The following TFAP4 variants were observed in gnomAD, a reference collection of about 807,000 sequenced individuals.
The protein encoded by TFAP4 is transcription factor AP-4, also known as activating enhancer-binding protein 4.
Under a neutral mutation model 40.4 loss-of-function variants are expected in TFAP4, and 7 were observed. The observed-to-expected ratio is 0.17, with a 90% CI of 0.10 to 0.33. TFAP4 has a LOEUF of 0.33. TFAP4 is among the 10% of genes least tolerant of loss of function. TFAP4 has a pLI of 1.00. For synonymous variants in TFAP4, 218 were observed against 181.4 expected, an observed-to-expected ratio of 1.20 and a Z score of -1.62; for missense variants, 374 against 451.1, an observed-to-expected ratio of 0.83 and a Z score of 1.55.
intron 1 of TFAP4, among the ~76,000 whole-genome samples, chr16:4,267,847 G>A (rs1211942415): frequency 1.3e-5 from 2 of 152,050 alleles, no homozygotes; most frequent in Admixed American, 6.5e-5. Context: ...CTCCATCCCC[G>A]CTGCTTCTAC....
chr16:4,262,344 G>C lies in TFAP4; in HGVS notation c.334C>G (p.Gln112Glu), dbSNP rs2052956823. The part of the protein sequence containing the change: ...EKTRLLQQNT[Q>E]LKRFIQELSG... ...CGCACCTGGATGAAGCGCTTGAGCT[G>C]TGTGTTCTGCTGCAAGAGCCTGGTC... Residue 112 changes from glutamine (Q) to glutamate (E), a missense_variant, in exon 3 of 7, where the codon CAG becomes GAG. Coordinates refer to ENST00000204517, the MANE Select transcript of TFAP4 (RefSeq NM_003223.3). 1.2e-6 allele frequency: 2 copies of C among 1,614,126 alleles called. No individual in the cohort carries two copies. The highest frequency in any genetic ancestry group is 1.7e-6 in the Non-Finnish European group (2 of 1,180,052).
At chr16:4,264,882 G>A (rs556709318) in intron 1 of TFAP4, 2 of 152,246 alleles carry the variant, frequency 1.3e-5, no homozygotes, top group Admixed American at 6.5e-5. Context: ...CACAACACAA[G>A]GTAAGTGCAA....
At chr16:4,265,269 C>A (rs1034440068) in intron 1 of TFAP4, 1 of 152,188 alleles carries the variant, frequency 6.6e-6, no homozygotes, top group Non-Finnish European at 1.5e-5. Flanking sequence ...GAGCTCTGAC[C>A]GGCCCACAGA....
chr16:4,257,957 A>AT lies in TFAP4; in HGVS notation c.*97dup, dbSNP rs1323025592. ...TAAAAGAGACCCAAATGACATCGTA[A>AT]TTTTGTAAAAATTTCTCACTCATTC... On this transcript the variant is annotated 3_prime_UTR_variant, in exon 7 of 7. Coordinates refer to ENST00000204517, the MANE Select transcript of TFAP4 (RefSeq NM_003223.3). The AT allele has an allele frequency of 4.9e-5, 60 of 1,223,010 alleles. No homozygotes were observed. The highest frequency in any genetic ancestry group is 6.0e-5 in the Non-Finnish European group (53 of 885,854). 75.8% of individuals were successfully genotyped at this position (1,223,010 alleles called of 1,614,324 possible).
Position 4,260,123 on chromosome 16 carries a change from G to A in TFAP4, c.789C>T (p.Ser263=), listed in dbSNP as rs139081750. The A allele has an allele frequency of 1.9e-6, 3 of 1,607,918 alleles. No homozygotes were observed. The highest frequency in any genetic ancestry group is 1.7e-6 in the Non-Finnish European group (2 of 1,177,226). The change falls in exon 6 of 7, where the codon TCC becomes TCT. Residue 263 remains serine, a synonymous_variant. Transcript: ENST00000204517. ...MGPSSVINSV[S]TSRQNLDTIV... The stretch of plus-strand genomic sequence containing the variant: ...TGGTGTCCAGATTTTGCCGGGATGT[G>A]GAAACAGAGTTGATGACCGAGGAGG...
At chr16:4,263,598 A>T (rs2052966094) in intron 1 of TFAP4, 2 of 152,348 alleles carry the variant, frequency 1.3e-5, no homozygotes, top group Non-Finnish European at 1.5e-5. Flanking sequence ...CTCCCCAAAA[A>T]GACACCAAGC....
In TFAP4 at chr16:4,257,289, G is replaced by A. The variant is rs1597309748; in HGVS notation, c.*766C>T. 1 of 113,356 alleles carries A rather than the reference G, an allele frequency of 8.8e-6. No individual in the cohort carries two copies. Among genetic ancestry groups the A allele is most frequent in the African/African-American group, 3.5e-5 (1 of 28,182 alleles). The allele number at this position is 113,356 out of a possible 1,614,324, so 7.0% of individuals were successfully genotyped here. On this transcript the variant is annotated 3_prime_UTR_variant, in exon 7 of 7. Transcript: ENST00000204517. ...TAACAAAATATAATAGCTTCTCCTT[G>A]AACACGAAGACCTCAAAATTGTAAA...
At chr16:4,272,323 G>A (rs1189567957) in intron 1 of TFAP4, among the ~76,000 whole-genome samples, 1 of 152,128 alleles carries the variant, frequency 6.6e-6, no homozygotes, top group Non-Finnish European at 1.5e-5. Context: ...CGCAGGAGGG[G>A]GAAAGAGGAA....
chr16:4,270,429 A>G (rs1246098905), intron 1 of TFAP4, among the ~76,000 whole-genome samples: 3 of 152,186 alleles, frequency 2.0e-5, no homozygotes, highest in African/African-American at 7.2e-5. Context: ...GACCCTGAGA[A>G]GCAAATGCAT....
intron 1 of TFAP4, chr16:4,265,500 C>T (rs1160857002): frequency 6.8e-6 from 1 of 147,486 alleles, no homozygotes; most frequent in Non-Finnish European, 1.5e-5. Flanking sequence ...GTTCCAGCAA[C>T]TGAGGAGGCT....
intron 1 of TFAP4, among the ~76,000 whole-genome samples, chr16:4,267,573 G>A (rs2053007544): frequency 1.3e-5 from 2 of 152,312 alleles, no homozygotes; most frequent in South Asian, 4.1e-4. Flanking sequence ...TTCAAGTCTA[G>A]AACCCTGCCA....
At position 4,262,554 on chromosome 16, in the gene TFAP4, G is replaced by A. The variant is rs2052958519; in HGVS notation, c.237C>T (p.Asp79=). 1.2e-6 allele frequency: 2 copies of A among 1,612,484 alleles called. No homozygotes were observed. The highest frequency in any genetic ancestry group is 1.7e-6 in the Non-Finnish European group (2 of 1,180,000). Residue 79 remains aspartate, a synonymous_variant, in exon 2 of 7, where the codon GAC becomes GAT. Transcript: ENST00000204517. ...QSLKTLIPHT[D]GEKLSKAAIL... is the part of the protein sequence containing the mutation. Reference sequence around the variant, plus strand: ...CACCCACCTTGCTGAGCTTCTCTCCGTCTGTGTGGGGGATGAGGGTCTTGA... The same window carrying A: ...CACCCACCTTGCTGAGCTTCTCTCCATCTGTGTGGGGGATGAGGGTCTTGA...
chr16:4,257,918 T>G lies in TFAP4; in HGVS notation c.*137A>C, dbSNP rs2052909885. ...TCGTTCAAAGGTCGATTTACAGTATTGAAAAAGAGGTCATAAAAGAGACCC... is the reference window on the plus strand; with the variant it reads ...TCGTTCAAAGGTCGATTTACAGTATGGAAAAAGAGGTCATAAAAGAGACCC... On this transcript the variant is annotated 3_prime_UTR_variant, in exon 7 of 7. Coordinates refer to ENST00000204517, the MANE Select transcript of TFAP4 (RefSeq NM_003223.3). The G allele has an allele frequency of 8.2e-6, 7 of 857,372 alleles. No individual in the cohort carries two copies. The highest frequency in any genetic ancestry group is 3.6e-4 in the Middle Eastern group (1 of 2,746). 53.1% of individuals were successfully genotyped at this position (857,372 alleles called of 1,614,324 possible).
intron 1 of TFAP4, among the ~76,000 whole-genome samples, chr16:4,269,354 G>A (rs146373710): frequency 0.027 from 4,157 of 151,708 alleles, 191 homozygotes; most frequent in African/African-American, 0.094. Flanking sequence ...TTAGCCGGGC[G>A]TGGTGGTGGG....
rs1319235323 is a variant in TFAP4 at position 4,260,481 on chromosome 16, G to A, written c.640C>T (p.Arg214Trp). Residue 214 changes from arginine to tryptophan, a missense_variant, in exon 5 of 7, where the codon CGG becomes TGG. Around this residue, in one of 6 missense-constraint regions of TFAP4, gnomAD observed 161 missense variants for 154.2 expected, o/e 1.04. Transcript: ENST00000204517. ...VRLLHQEKLE[R>W]EQQQLRTQLL... ...TGGGTCCGCAGCTGCTGCTGTTCCC[G>A]CTCCAGCTTCTCCTGGTGCAGCAGC... 8 of 1,601,978 alleles carry A rather than the reference G, an allele frequency of 5.0e-6. No homozygotes were observed. The highest frequency in any genetic ancestry group is 2.2e-5 in the South Asian group (2 of 89,848).
At chr16:4,259,307 T>G (rs2052925365) in intron 6 of TFAP4, among the ~76,000 whole-genome samples, 1 of 151,870 alleles carries the variant, frequency 6.6e-6, no homozygotes, top group Non-Finnish European at 1.5e-5. Context: ...CTAATTTTTG[T>G]ATTTTTAATA....
Position 4,262,563 on chromosome 16 carries a change from G to A in TFAP4, c.228C>T (p.Pro76=). 1 of 1,612,480 alleles carries A rather than the reference G, an allele frequency of 6.2e-7. No homozygotes were observed. The highest frequency in any genetic ancestry group is 8.5e-7 in the Non-Finnish European group (1 of 1,180,024). ...AGFQSLKTLI[P]HTDGEKLSKA... The stretch of plus-strand genomic sequence containing the variant: ...TGCTGAGCTTCTCTCCGTCTGTGTG[G>A]GGGATGAGGGTCTTGAGGGACTGGA... Residue 76 remains proline, a synonymous_variant, in exon 2 of 7, where the codon CCC becomes CCT. Transcript: ENST00000204517.
At chr16:4,266,586 G>A (rs1280845746) in intron 1 of TFAP4, 1 of 152,192 alleles carries the variant, frequency 6.6e-6, no homozygotes, top group Non-Finnish European at 1.5e-5. Flanking sequence ...ATTCTTATTG[G>A]TGGAATGCTG....
chr16:4,269,641 C>A (rs2141097506), intron 1 of TFAP4, among the ~76,000 whole-genome samples: 1 of 151,348 alleles, frequency 6.6e-6, no homozygotes, highest in East Asian at 2.0e-4. Flanking sequence ...GAAACCCCGT[C>A]TGTACTAAAA....
Sources: gnomAD v4.1 joint callset for allele counts (sites outside exome capture counted in the v4.1 genomes callset) on GRCh38, gnomAD v4.1.1 for gene constraint, gnomAD v4.1.1 regional missense constraint, MANE v1.5 for transcripts, NCBI Gene and HGNC (gene_info 2026-07-23, HGNC 2026-07-21) for gene names.